Variants in MYH2 observed in about 807,000 individuals in gnomAD.
MYH2 encodes the protein myosin-2.
A neutral mutation model predicts 228.1 loss-of-function variants in MYH2; 139 were observed. The ratio of observed to expected loss-of-function variants is 0.61; its 90% CI spans 0.53 to 0.70. The LOEUF (loss-of-function observed/expected upper bound fraction) is 0.70, where lower values mean the gene tolerates loss of function less well. Ranked by LOEUF, MYH2 falls within the 30% of genes least tolerant of loss-of-function variation. The probability of loss-of-function intolerance (pLI) is 0.00; values close to 1 mark genes in which losing one functional copy is unlikely to be tolerated. For missense variants in MYH2, 1,809 were observed against 2,357.5 expected, an observed-to-expected ratio of 0.77 and a Z score of 4.82; for synonymous variants, 796 against 871.1, an observed-to-expected ratio of 0.91 and a Z score of 1.52.
In MYH2 at chr17:10,528,970, C is replaced by T. The variant is rs1386218326; in HGVS notation, c.3464G>A (p.Arg1155Lys). The change falls in exon 27 of 40, where the codon AGG becomes AAG. Residue 1155 changes from arginine (R) to lysine (K), a missense_variant. Arg to Lys is a conservative substitution (Grantham distance 26). Transcript: ENST00000245503. ...AGTGGCCCCACCGGCTTCTTCCAGC[C>T]TCTCGCTGATCTCCTCCAGCTCCCG... ...LSRELEEISE[R>K]LEEAGGATSA... 3.7e-6 allele frequency: 6 copies of T among 1,614,176 alleles called. No individual in the cohort carries two copies. In the South Asian group the frequency reaches 5.5e-5, roughly 15 times the overall value.
chr17:10,547,393 G>A (rs1435658301), intron 4 of MYH2, 82 bp downstream of exon 4: 1 of 1,556,858 alleles, frequency 6.4e-7, no homozygotes, highest in East Asian at 2.2e-5. Context: ...CACTACCTGT[G>A]ACCTATTTAT....
At position 10,531,665 on chromosome 17, in the gene MYH2, C is replaced by G. The variant is rs1376949512; in HGVS notation, c.2665G>C (p.Glu889Gln). Residue 889 changes from glutamate to glutamine, a missense_variant, in exon 22 of 40, where the codon GAA becomes CAA. Around this residue, in one of 9 missense-constraint regions of MYH2, gnomAD observed 276 missense variants for 344.2 expected, o/e 0.80. Coordinates refer to ENST00000245503, the MANE Select transcript of MYH2 (RefSeq NM_017534.6). The stretch of plus-strand genomic sequence containing the variant: ...ACTTGGAGCTGCAAGTCATTTTTTT[C>G]TTTCAACAGCGTCACCATCTTTTCT... Reference protein sequence around the residue: ...LEEKMVTLLKEKNDLQLQVQA... With the variant: ...LEEKMVTLLKQKNDLQLQVQA... 1 of 1,614,018 alleles carries G rather than the reference C, an allele frequency of 6.2e-7. No individual in the cohort carries two copies. The highest frequency in any genetic ancestry group is 8.5e-7 in the Non-Finnish European group (1 of 1,180,024).
At chr17:10,539,380 G>A (rs200143857) in intron 13 of MYH2, 26 bp from the exon 14 acceptor site, 139 of 1,614,110 alleles carry the variant, frequency 8.6e-5, no homozygotes, top group East Asian at 3.8e-4. Context: ...TATAACTCTC[G>A]AAGTTATTAA....
In MYH2 at chr17:10,531,758, T is replaced by C. The variant is rs2073426055; in HGVS notation, c.2572A>G (p.Met858Val). ...TTAATTTTCTGAAATTCTTCCTTCA[T>C]GGTGGCCATCTCCTTCTCAGTTTCT... ...SAETEKEMAT[M>V]KEEFQKIKDE... The change falls in exon 22 of 40, where the codon ATG (methionine) becomes GTG (valine). Residue 858 changes from methionine to valine, a missense_variant. By Grantham distance (21) the Met-to-Val change is conservative. Coordinates refer to ENST00000245503, the MANE Select transcript of MYH2 (RefSeq NM_017534.6). 3 of 1,614,204 alleles carry C rather than the reference T, an allele frequency of 1.9e-6. No homozygotes were observed. The highest frequency in any genetic ancestry group is 1.1e-5 in the South Asian group (1 of 91,086).
At chr17:10,547,280 C>T (rs576916045) in intron 4 of MYH2, among the ~76,000 whole-genome samples, 195 bp downstream of exon 4, 15 of 152,246 alleles carry the variant, frequency 9.9e-5, no homozygotes, top group Admixed American at 8.5e-4. Flanking sequence ...CCTTCCCCAG[C>T]TTTGGATGGG....
In MYH2 at chr17:10,543,119, C is replaced by A. The variant is rs2073578623; in HGVS notation, c.784G>T (p.Ala262Ser). The change falls in exon 9 of 40, where the codon GCA becomes TCA. Residue 262 changes from alanine to serine, a missense_variant. Coordinates refer to ENST00000245503, the MANE Select transcript of MYH2 (RefSeq NM_017534.6). Reference sequence around the variant, plus strand: ...TTACATGTTTCAATATCAGCAGATGCCAGTTTTCCAGTAGTGCCAAAGTGG... The same window carrying A: ...TTACATGTTTCAATATCAGCAGATGACAGTTTTCCAGTAGTGCCAAAGTGG... The part of the protein sequence containing the change: ...RIHFGTTGKL[A>S]SADIETYLLE... The A allele has an allele frequency of 6.2e-7, 1 of 1,612,184 alleles. No individual in the cohort carries two copies. Among genetic ancestry groups the A allele is most frequent in the Non-Finnish European group, 8.5e-7 (1 of 1,178,828 alleles).
In MYH2 at chr17:10,535,354, G is replaced by T. The variant is rs980772992; in HGVS notation, c.1986C>A (p.Asn662Lys). 6.2e-7 allele frequency: 1 copy of T among 1,614,038 alleles called. No individual in the cohort carries two copies. Residue 662 changes from asparagine to lysine, a missense_variant, in exon 18 of 40, where the codon AAC becomes AAA. Coordinates refer to ENST00000245503, the MANE Select transcript of MYH2 (RefSeq NM_017534.6). ...TVSALFRENL[N>K]KLMTNLRSTH... ...TACTCCTGAGGTTGGTCATCAGCTT[G>T]TTCAAATTCTCCTGTAAAACCAGGA... is the stretch of plus-strand genomic sequence containing the variant.
intron 10 of MYH2, among the ~76,000 whole-genome samples, chr17:10,542,411 T>G (rs2073568107): frequency 6.6e-6 from 1 of 152,232 alleles, no homozygotes; most frequent in African/African-American, 2.4e-5. Context: ...AGGGTATGGT[T>G]AAGTAATTTG....
Position 10,527,054 on chromosome 17 carries a change from C to T in MYH2, c.3874G>A (p.Glu1292Lys). 1 of 1,613,686 alleles carries T rather than the reference C, an allele frequency of 6.2e-7. No homozygotes were observed. The highest frequency in any genetic ancestry group is 8.5e-7 in the Non-Finnish European group (1 of 1,179,586). The change falls in exon 29 of 40, where the codon GAG becomes AAG. Residue 1292 changes from glutamate to lysine, a missense_variant and splice_region_variant. Glu to Lys is a moderately conservative substitution (Grantham distance 56). Around this residue, in one of 9 missense-constraint regions of MYH2, gnomAD observed 636 missense variants for 729.9 expected, o/e 0.87. Coordinates refer to ENST00000245503, the MANE Select transcript of MYH2 (RefSeq NM_017534.6). ...QRGRLQTESG[E>K]FSRQLDEKEA... Reference sequence around the variant, plus strand: ...TTTTCATCAAGCTGGCGTGAAAACTCACCTGATGGACAAAAGAAATGGCAC... The same window carrying T: ...TTTTCATCAAGCTGGCGTGAAAACTTACCTGATGGACAAAAGAAATGGCAC...
intron 5 of MYH2, 120 bp from the exon 6 acceptor site, chr17:10,544,247 G>T (rs934405432): frequency 1.6e-6 from 2 of 1,261,906 alleles, no homozygotes; most frequent in African/African-American, 1.5e-5. Flanking sequence ...TTAGGGCTTG[G>T]CAGGCTTTAG....
chr17:10,526,583 A>T lies in MYH2; in HGVS notation c.4187+16T>A, dbSNP rs369288263. ...TGCAAAGTTTTCTGCTCATTCTCTC[A>T]TATCTGTGCACATACTTGGCCTCCT... On this transcript the variant is annotated intron_variant, in intron 30 of 39. Transcript: ENST00000245503. The T allele has an allele frequency of 1.1e-5, 18 of 1,613,806 alleles. No homozygotes were observed. The highest frequency in any genetic ancestry group is 1.5e-5 in the Non-Finnish European group (18 of 1,179,848).
At position 10,542,898 on chromosome 17, in the gene MYH2, G is replaced by T. The variant is rs2073575109; in HGVS notation, c.881C>A (p.Ser294Ter). The T allele has an allele frequency of 2.5e-6, 4 of 1,608,462 alleles. No individual in the cohort carries two copies. The highest frequency in any genetic ancestry group is 2.2e-5 in the East Asian group (1 of 44,668). ...RSYHIFYQIT[S>*]NKKPELIEML... Reference sequence around the variant, plus strand: ...ACCAATAAGTTCTGGTTTCTTATTCGATGTAATCTGGTAAAAAATATGATA... The same window carrying T: ...ACCAATAAGTTCTGGTTTCTTATTCTATGTAATCTGGTAAAAAATATGATA... The change falls in exon 10 of 40, where the codon TCG becomes TAG. Residue 294 changes from serine to a stop codon, truncating the protein, a stop_gained. Coordinates refer to ENST00000245503, the MANE Select transcript of MYH2 (RefSeq NM_017534.6). LOFTEE classifies it high-confidence loss of function.
At chr17:10,533,846 A>T (rs907594368) in intron 19 of MYH2, among the ~76,000 whole-genome samples, 1 of 152,288 alleles carries the variant, frequency 6.6e-6, no homozygotes. Flanking sequence ...TTTCTGTCTC[A>T]TCAGACCCTG....
chr17:10,533,479 T>A, intron 20 of MYH2, 30 bp downstream of exon 20: 1 of 1,614,176 alleles, frequency 6.2e-7, no homozygotes, highest in Non-Finnish European at 8.5e-7. Flanking sequence ...GGGACAGGAA[T>A]AGCATCAGGT....
rs772613828 is a variant in MYH2, at chr17:10,524,918, G to A, written c.4810C>T (p.Gln1604Ter). 1.4e-5 allele frequency: 23 copies of A among 1,614,086 alleles called. No homozygotes were observed. The highest frequency in any genetic ancestry group is 1.8e-5 in the Non-Finnish European group (21 of 1,180,026). ...CTGATCTCAGCATCCAGCGTGCTCT[G>A]CATGGACTCCACGATTCTAATGTGG... ...RNHIRIVESM[Q>*]STLDAEIRSR... is the part of the protein sequence containing the mutation. Residue 1604 changes from glutamine (Q) to a stop codon, truncating the protein, a stop_gained, in exon 34 of 40, where the codon CAG (glutamine) becomes TAG (stop). Coordinates refer to ENST00000245503, the MANE Select transcript of MYH2 (RefSeq NM_017534.6). LOFTEE classifies it high-confidence loss of function. The surrounding 1 kb of genome is among the most constrained non-coding windows in gnomAD (Gnocchi z 4.7).
chr17:10,540,585 T>C lies in MYH2; in HGVS notation c.1008+9A>G, dbSNP rs1222634436. 5 of 1,590,958 alleles carry C rather than the reference T, an allele frequency of 3.1e-6. No individual in the cohort carries two copies. In the Admixed American group the frequency reaches 8.3e-5, roughly 27 times the overall value. ...CATAATAATTCCAATTTTCTTGTGTTCTACTTACATCTGTGGCCATCAGTT... is the reference window on the plus strand; with the variant it reads ...CATAATAATTCCAATTTTCTTGTGTCCTACTTACATCTGTGGCCATCAGTT... On this transcript the variant is annotated intron_variant, in intron 11 of 39. Transcript: ENST00000245503.
chr17:10,548,327 C>T (rs1178288668), intron 2 of MYH2, among the ~76,000 whole-genome samples: 2 of 152,054 alleles, frequency 1.3e-5, no homozygotes, highest in African/African-American at 2.4e-5. Context: ...ATTCACAGCC[C>T]ATGATATATG....
intron 22 of MYH2, among the ~76,000 whole-genome samples, chr17:10,530,835 CT>C (rs894334598): frequency 2.0e-5 from 3 of 152,254 alleles, no homozygotes; most frequent in African/African-American, 7.2e-5. Flanking sequence ...ATTTGGAGGG[CT>C]TTTTCCTTCT....
intron 27 of MYH2, among the ~76,000 whole-genome samples, 165 bp from the exon 28 acceptor site, chr17:10,528,039 C>CTTTT (rs1597450075): frequency 1.5e-5 from 2 of 135,340 alleles, no homozygotes; most frequent in East Asian, 2.7e-4. Flanking sequence ...AAAAATTTTT[C>CTTTT]TTTCTTTCTT....
Sources: gnomAD v4.1 joint callset for allele counts (sites outside exome capture counted in the v4.1 genomes callset) on GRCh38, gnomAD v4.1.1 for gene constraint, gnomAD v4.1.1 regional missense constraint, Gnocchi (gnomAD v3.1) non-coding constraint, MANE v1.5 for transcripts, NCBI Gene and HGNC (gene_info 2026-07-23, HGNC 2026-07-21) for gene names.